The following STYXL2 variants were observed in gnomAD, a reference collection of about 807,000 sequenced individuals.
STYXL2 encodes serine/threonine/tyrosine interacting like 2, also known as serine/threonine/tyrosine-interacting-like protein 2.
In STYXL2, 44 loss-of-function variants were observed where a neutral mutation model predicts 52.4. The ratio of observed to expected loss-of-function variants is 0.84; its 90% CI spans 0.66 to 1.08. The LOEUF (loss-of-function observed/expected upper bound fraction) is 1.08, where lower values mean the gene tolerates loss of function less well. STYXL2 is among the 50% of genes least tolerant of loss of function. STYXL2 has a pLI of 0.00. For missense variants in STYXL2, 1,604 were observed against 1,471.7 expected, an observed-to-expected ratio of 1.09 and a Z score of -1.47; for synonymous variants, 604 against 586.9, an observed-to-expected ratio of 1.03 and a Z score of -0.42.
rs1255919947 is a variant in STYXL2 at position 167,102,943 on chromosome 1, G to C, written c.110+7984G>C. Among the ~76,000 whole-genome samples the C allele has an allele frequency of 4.7e-5, 5 of 105,818 alleles. No homozygotes were observed. In the South Asian group the frequency reaches 1.2e-3, roughly 25 times the overall value. The allele number at this position is 105,818 out of a possible 152,430, so 69.4% of individuals were successfully genotyped here. On this transcript the variant is annotated intron_variant, in intron 2 of 5. Transcript: ENST00000361200. ...TGCCACAGCAAATTACTACAAACTA[G>C]GCAGCTTAAAAACAAGAGAAATTTA...
chr1:167,122,423 A>C lies in STYXL2; in HGVS notation c.655+2957A>C, dbSNP rs145358708. 4.7e-4 allele frequency among the ~76,000 whole-genome samples: 72 copies of C among 152,178 alleles called. 1 individual carries two copies. Among genetic ancestry groups the C allele is most frequent in the Non-Finnish European group, 9.3e-4 (63 of 68,026 alleles). ...GTCCCATTTCCAAATTTCCTGGCGAATTTGTCAGATACTGGTCTTTTTGTG... is the reference window on the plus strand; with the variant it reads ...GTCCCATTTCCAAATTTCCTGGCGACTTTGTCAGATACTGGTCTTTTTGTG... On this transcript the variant is annotated intron_variant, in intron 5 of 5. Transcript: ENST00000361200.
At chr1:167,103,198 A>G (rs1463680404) in intron 2 of STYXL2, among the ~76,000 whole-genome samples, 1 of 152,178 alleles carries the variant, frequency 6.6e-6, no homozygotes, top group Admixed American at 6.5e-5. Context: ...TTTAGAGTCC[A>G]TCCTAATTTA....
intron 2 of STYXL2, among the ~76,000 whole-genome samples, chr1:167,098,528 T>C (rs893271788): frequency 6.6e-6 from 1 of 152,210 alleles, no homozygotes; most frequent in African/African-American, 2.4e-5. Context: ...AAATTTATAC[T>C]ACACTGTTTC....
At chr1:167,119,194 T>C (rs1226181369) in intron 4 of STYXL2, 55 bp from the exon 5 acceptor site, 8 of 1,551,594 alleles carry the variant, frequency 5.2e-6, no homozygotes, top group South Asian at 2.3e-5. Context: ...GTCACAGTGG[T>C]GACACACCTT....
chr1:167,094,452 C>T (rs762924858), intron 1 of STYXL2: 16 of 237,210 alleles, frequency 6.7e-5, no homozygotes, highest in Admixed American at 1.0e-4. Context: ...AGGTGAGGGG[C>T]GTGTGTGTAT....
chr1:167,127,487 C>T lies in STYXL2; in HGVS notation c.2356C>T (p.Gln786Ter), dbSNP rs768910128. ...SSSLGGCLLP[Q>*]SQARPSSDMQ... ...CTCCTTGGGTGGCTGCCTGTTGCCT[C>T]AGAGCCAGGCAAGACCCAGCTCTGA... Residue 786 changes from glutamine (Q) to a stop codon, truncating the protein, a stop_gained, in exon 6 of 6, where the codon CAG (glutamine) becomes TAG (stop). Transcript: ENST00000361200. LOFTEE classifies it high-confidence loss of function. 3 of 1,613,986 alleles carry T rather than the reference C, an allele frequency of 1.9e-6. No homozygotes were observed. The highest frequency in any genetic ancestry group is 2.5e-6 in the Non-Finnish European group (3 of 1,180,016).
rs1251958731 is a variant in STYXL2 at position 167,126,479 on chromosome 1, G to A, written c.1348G>A (p.Val450Ile). 3.1e-6 allele frequency: 5 copies of A among 1,604,320 alleles called. No individual in the cohort carries two copies. Among genetic ancestry groups the A allele is most frequent in the East Asian group, 4.5e-5 (2 of 44,532 alleles). Residue 450 changes from valine to isoleucine, a missense_variant, in exon 6 of 6, where the codon GTC (valine) becomes ATC (isoleucine). Transcript: ENST00000361200. ...GAGCGTGAGCAGCCACGACATCTGG[G>A]TCCTGAAGCAGCAGCTGGAGCTGAA... ...WESVSSHDIWVLKQQLELNRP... is the reference protein window; with the variant it reads ...WESVSSHDIWILKQQLELNRP...
At chr1:167,110,983 C>A (rs1376139858) in intron 2 of STYXL2, among the ~76,000 whole-genome samples, 2 of 152,244 alleles carry the variant, frequency 1.3e-5, no homozygotes, top group Admixed American at 6.5e-5. Context: ...GAGATGCTTT[C>A]TCTCCATTGC....
chr1:167,119,744 GAA>G (rs1431329116), intron 5 of STYXL2, among the ~76,000 whole-genome samples: 1 of 151,948 alleles, frequency 6.6e-6, no homozygotes. Flanking sequence ...GACAGAAAAT[GAA>G]AAAAAGAGAA....
rs1239329242 is a variant in STYXL2, at chr1:167,128,415, C to A, written c.3284C>A (p.Ser1095Tyr). 1 of 1,613,950 alleles carries A rather than the reference C, an allele frequency of 6.2e-7. No individual in the cohort carries two copies. ...KRKFTQSFMR[S>Y]EEEGEKERTE... ...AAGTTCACCCAGAGCTTTATGAGGT[C>A]TGAAGAAGAGGGAGAGAAAGAGAGG... is the stretch of plus-strand genomic sequence containing the variant. The change falls in exon 6 of 6, where the codon TCT becomes TAT. Residue 1095 changes from serine to tyrosine, a missense_variant. Coordinates refer to ENST00000361200, the MANE Select transcript of STYXL2 (RefSeq NM_001080426.3).
chr1:167,128,149 G>C lies in STYXL2; in HGVS notation c.3018G>C (p.Arg1006=). Residue 1006 remains arginine (R), a synonymous_variant, in exon 6 of 6, where the codon CGG becomes CGC. Transcript: ENST00000361200. ...ANGNSVRSTS[R]FSSSSTREGR... ...GCAACTCTGTAAGAAGCACTTCACG[G>C]TTCTCATCTTCCTCCACCAGGGAGG... 1 of 1,614,210 alleles carries C rather than the reference G, an allele frequency of 6.2e-7. No homozygotes were observed. The highest frequency in any genetic ancestry group is 1.1e-5 in the South Asian group (1 of 91,084).
Position 167,119,270 on chromosome 1 carries a change from G to C in STYXL2, c.459G>C (p.Gly153=), listed in dbSNP as rs61748776. 2.2e-3 allele frequency: 3,577 copies of C among 1,614,246 alleles called. 67 individuals are homozygous for C. The African/African-American group carries it at 0.041, about 19-fold the overall frequency. ...GCAGGAGTGTGGCTGTGAACAAGGG[G>C]AGGCTGAAGAGGCTGGGAATCACCC... ...IAEKSVAVNK[G]RLKRLGITHI... Residue 153 remains glycine (G), a synonymous_variant, in exon 5 of 6, where the codon GGG becomes GGC. Coordinates refer to ENST00000361200, the MANE Select transcript of STYXL2 (RefSeq NM_001080426.3).
chr1:167,113,687 A>T, intron 2 of STYXL2, 23 bp from the exon 3 acceptor site: 1 of 1,566,932 alleles, frequency 6.4e-7, no homozygotes, highest in Non-Finnish European at 8.8e-7. Flanking sequence ...GGCTTATCTC[A>T]CGTGAATATC....
Position 167,127,603 on chromosome 1 carries a change from C to A in STYXL2, c.2472C>A (p.Phe824Leu), listed in dbSNP as rs554146908. The change falls in exon 6 of 6, where the codon TTC becomes TTA. Residue 824 changes from phenylalanine (F) to leucine (L), a missense_variant. Transcript: ENST00000361200. ...SKVRGTSKPI[F>L]SLFADNVDLK... ...TGAGGGGGACCAGCAAGCCCATCTT[C>A]AGCCTCTTTGCTGACAATGTGGACC... 25 of 1,614,106 alleles carry A rather than the reference C, an allele frequency of 1.5e-5. No homozygotes were observed. Among genetic ancestry groups the A allele is most frequent in the Non-Finnish European group, 2.1e-5 (25 of 1,180,052 alleles).
chr1:167,123,301 G>A (rs952140700), intron 5 of STYXL2, among the ~76,000 whole-genome samples: 4 of 152,200 alleles, frequency 2.6e-5, no homozygotes, highest in African/African-American at 9.7e-5. Flanking sequence ...AGGCTCCTCA[G>A]AGGAGTCCCA....
chr1:167,096,226 T>G (rs1667282595), intron 2 of STYXL2, among the ~76,000 whole-genome samples: 1 of 151,738 alleles, frequency 6.6e-6, no homozygotes, highest in Non-Finnish European at 1.5e-5. Flanking sequence ...CCACTGAACT[T>G]CAGCCTGGGC....
At chr1:167,101,494 A>G (rs1315076246) in intron 2 of STYXL2, among the ~76,000 whole-genome samples, 1 of 152,222 alleles carries the variant, frequency 6.6e-6, no homozygotes, top group Non-Finnish European at 1.5e-5. Flanking sequence ...TCCTAGGTAT[A>G]TACTCAAGAG....
At chr1:167,116,109 T>C (rs1667716394) in intron 3 of STYXL2, among the ~76,000 whole-genome samples, 1 of 152,328 alleles carries the variant, frequency 6.6e-6, no homozygotes, top group South Asian at 2.1e-4. Context: ...GAAACATCTT[T>C]CCAGCTTCTT....
intron 2 of STYXL2, among the ~76,000 whole-genome samples, chr1:167,110,323 C>T (rs1259181942): frequency 1.3e-5 from 2 of 152,168 alleles, no homozygotes; most frequent in Non-Finnish European, 2.9e-5. Flanking sequence ...GGTTCTTTAA[C>T]ACCCCCAAAA....
Sources: allele counts gnomAD v4.1 joint callset (sites outside exome capture counted in the v4.1 genomes callset), GRCh38; gene constraint gnomAD v4.1.1; transcripts MANE v1.5; gene names NCBI Gene and HGNC (gene_info 2026-07-23, HGNC 2026-07-21).